The following MAGI2 variants were observed in gnomAD, a reference collection of about 807,000 sequenced individuals.
The protein encoded by MAGI2 is membrane associated guanylate kinase, WW and PDZ domain containing 2, also known as membrane-associated guanylate kinase, WW and PDZ domain-containing protein 2.
A neutral mutation model predicts 133.3 loss-of-function variants in MAGI2; 35 were observed. That is an observed-to-expected ratio of 0.26 (90% confidence interval 0.20 to 0.35). The LOEUF (loss-of-function observed/expected upper bound fraction) is 0.35, where lower values mean the gene tolerates loss of function less well. Ranked by LOEUF, MAGI2 falls within the 10% of genes least tolerant of loss-of-function variation. The pLI, the probability that MAGI2 is intolerant of heterozygous loss-of-function variation, is 1.00. For missense variants in MAGI2, 1,636 were observed against 1,863.4 expected, an observed-to-expected ratio of 0.88 and a Z score of 2.25; for synonymous variants, 729 against 710.6, an observed-to-expected ratio of 1.03 and a Z score of -0.41.
chr7:79,330,244 A>G (rs917964219), intron 1 of MAGI2, among the ~76,000 whole-genome samples: 7 of 123,248 alleles, frequency 5.7e-5, no homozygotes, highest in African/African-American at 3.3e-5. Flanking sequence ...CCCAGGCTGG[A>G]GTGCAGTGGT....
intron 10 of MAGI2, among the ~76,000 whole-genome samples, chr7:78,222,265 C>T (rs967838830): frequency 1.3e-5 from 2 of 152,134 alleles, no homozygotes; most frequent in Admixed American, 6.5e-5. Context: ...TGATTTTTCT[C>T]TTCAGCAGCT....
intron 1 of MAGI2, among the ~76,000 whole-genome samples, chr7:79,368,847 C>CAAAAAAAAAAAAAA (rs71095400): frequency 1.3e-5 from 1 of 75,330 alleles, no homozygotes; most frequent in Non-Finnish European, 2.9e-5. Flanking sequence ...GACTCCGTCT[C>CAAAAAAAAAAAAAA]AAAAAAAAAA....
At chr7:79,404,006 G>A in intron 1 of MAGI2, among the ~76,000 whole-genome samples, 1 of 152,078 alleles carries the variant, frequency 6.6e-6, no homozygotes, top group East Asian at 1.9e-4. Context: ...ATGGGAAAAG[G>A]CTCTACTTAA....
intron 2 of MAGI2, among the ~76,000 whole-genome samples, chr7:78,721,531 T>A (rs1055895538): frequency 6.6e-6 from 1 of 152,034 alleles, no homozygotes; most frequent in Non-Finnish European, 1.5e-5. Context: ...CCCGGGTAGA[T>A]GCAGAATTTT....
chr7:78,706,490 T>A lies in MAGI2; in HGVS notation c.419-79251A>T, dbSNP rs187280834. ...GAAAACAGACTAATACAGTGAACTA[T>A]ATGAGAAACTTAGTACTTTGAAGTC... On this transcript the variant is annotated intron_variant, in intron 2 of 21. Transcript: ENST00000354212. 6.3e-4 allele frequency among the ~76,000 whole-genome samples: 96 copies of A among 152,240 alleles called. 1 individual carries two copies. Among genetic ancestry groups the A allele is most frequent in the African/African-American group, 2.2e-3 (93 of 41,558 alleles).
At chr7:78,584,728 T>C (rs989636124) in intron 3 of MAGI2, among the ~76,000 whole-genome samples, 1 of 152,006 alleles carries the variant, frequency 6.6e-6, no homozygotes, top group African/African-American at 2.4e-5. Context: ...GCTTGGGAGG[T>C]ATGGCAGGAG....
intron 2 of MAGI2, among the ~76,000 whole-genome samples, chr7:78,677,781 T>G (rs1168255706): frequency 6.6e-6 from 1 of 152,074 alleles, no homozygotes. Flanking sequence ...CAACATGGCG[T>G]CCAGTGATAT....
intron 2 of MAGI2, among the ~76,000 whole-genome samples, chr7:78,714,428 GT>G (rs1400736934): frequency 2.0e-5 from 3 of 152,118 alleles, no homozygotes; most frequent in African/African-American, 7.2e-5. Context: ...CAAGAAAATG[GT>G]TTCTCTGGCA....
chr7:78,197,159 C>G (rs1828816970), intron 11 of MAGI2, among the ~76,000 whole-genome samples: 1 of 152,196 alleles, frequency 6.6e-6, no homozygotes, highest in Admixed American at 6.5e-5. Flanking sequence ...GAAAGCTATT[C>G]TGGGTTTCCT....
At chr7:79,336,027 A>C (rs183086948) in intron 1 of MAGI2, among the ~76,000 whole-genome samples, 263 of 152,214 alleles carry the variant, frequency 1.7e-3, no homozygotes, top group African/African-American at 6.0e-3. Flanking sequence ...TGACTAAATT[A>C]ATGAGTCTCC....
intron 6 of MAGI2, among the ~76,000 whole-genome samples, chr7:78,434,182 T>C (rs1056218757): frequency 6.6e-6 from 1 of 152,312 alleles, no homozygotes; most frequent in East Asian, 1.9e-4. Flanking sequence ...AGGCAGATAT[T>C]CTGTGCATTG....
chr7:79,059,944 A>C (rs930374719), intron 1 of MAGI2, among the ~76,000 whole-genome samples: 1 of 152,156 alleles, frequency 6.6e-6, no homozygotes, highest in African/African-American at 2.4e-5. Flanking sequence ...CATGTGTGGC[A>C]TAGGTCAATC....
At chr7:79,064,187 T>C (rs999150036) in intron 1 of MAGI2, among the ~76,000 whole-genome samples, 2 of 152,038 alleles carry the variant, frequency 1.3e-5, no homozygotes, top group Non-Finnish European at 2.9e-5. Flanking sequence ...CATCTCACTA[T>C]AGAAAAAAAA....
chr7:78,859,958 A>C (rs1584185764), intron 2 of MAGI2, among the ~76,000 whole-genome samples: 2 of 151,838 alleles, frequency 1.3e-5, no homozygotes, highest in Admixed American at 6.6e-5. Flanking sequence ...TTTTTTCTCT[A>C]AACTTCTCTT....
intron 10 of MAGI2, among the ~76,000 whole-genome samples, chr7:78,230,700 C>T (rs1789880554): frequency 6.6e-6 from 1 of 152,116 alleles, no homozygotes; most frequent in Admixed American, 6.5e-5. Flanking sequence ...AAAAGAGAAA[C>T]AATTGGAAGG....
chr7:79,240,850 A>T (rs1832344221), intron 1 of MAGI2, among the ~76,000 whole-genome samples: 1 of 152,024 alleles, frequency 6.6e-6, no homozygotes, highest in South Asian at 2.1e-4. Flanking sequence ...AATTCTCTAT[A>T]TCTCTTCTTA....
At chr7:79,431,322 AAC>A (rs1279540918) in intron 1 of MAGI2, among the ~76,000 whole-genome samples, 2 of 152,220 alleles carry the variant, frequency 1.3e-5, no homozygotes, top group African/African-American at 4.8e-5. Context: ...CAGGAAGACT[AAC>A]AATTTCCTAG....
intron 6 of MAGI2, among the ~76,000 whole-genome samples, chr7:78,467,829 G>C (rs1790795270): frequency 6.6e-6 from 1 of 151,940 alleles, no homozygotes; most frequent in South Asian, 2.1e-4. Flanking sequence ...ATCTCATAAG[G>C]AAAACTGCAT....
chr7:78,433,951 C>T lies in MAGI2; in HGVS notation c.1045+55810G>A, dbSNP rs185927509. Among the ~76,000 whole-genome samples the T allele has an allele frequency of 2.0e-5, 3 of 152,196 alleles. No homozygotes were observed. In the East Asian group the frequency reaches 5.8e-4, roughly 29 times the overall value. On this transcript the variant is annotated intron_variant, in intron 6 of 21. Coordinates refer to ENST00000354212, the MANE Select transcript of MAGI2 (RefSeq NM_012301.4). The stretch of plus-strand genomic sequence containing the variant: ...TGAATGATTGAATGAAGCATTGTAC[C>T]ACAGTCTCGTCTAGCCAAATACTAT...
Sources: gnomAD v4.1 joint callset for allele counts (sites outside exome capture counted in the v4.1 genomes callset) on GRCh38, gnomAD v4.1.1 for gene constraint, MANE v1.5 for transcripts, NCBI Gene and HGNC (gene_info 2026-07-23, HGNC 2026-07-21) for gene names.